NTN4: variants seen among roughly 807,000 people sequenced by gnomAD.
NTN4 encodes netrin 4.
Under a neutral mutation model 73.6 loss-of-function variants are expected in NTN4, and 32 were observed. The observed-to-expected ratio is 0.44, with a 90% CI of 0.33 to 0.58. NTN4 has a LOEUF of 0.58. Among genes scored for constraint, NTN4 ranks in the 20% least tolerant of loss-of-function variants. The pLI is 0.04. For missense variants in NTN4, 654 were observed against 798.3 expected, an observed-to-expected ratio of 0.82 and a Z score of 2.18; for synonymous variants, 258 against 287.5, an observed-to-expected ratio of 0.90 and a Z score of 1.04.
intron 7 of NTN4, 24 bp downstream of exon 7, chr12:95,682,680 TATG>T (rs2078327477): frequency 6.7e-7 from 1 of 1,501,488 alleles, no homozygotes; most frequent in South Asian, 1.1e-5. Context: ...GACCTGAAAA[TATG>T]ATGCCTGGTT....
intron 3 of NTN4, among the ~76,000 whole-genome samples, chr12:95,736,305 G>GT: frequency 6.6e-6 from 1 of 152,190 alleles, no homozygotes; most frequent in Admixed American, 6.5e-5. Flanking sequence ...AGCCATGCAG[G>GT]TAGTCTCATA....
intron 3 of NTN4, among the ~76,000 whole-genome samples, chr12:95,725,009 T>A (rs1444129007): frequency 7.5e-6 from 1 of 133,132 alleles, no homozygotes; most frequent in East Asian, 2.0e-4. Context: ...CATCAGGATT[T>A]TTTTTTTTTT....
chr12:95,783,789 G>C (rs1250085876), intron 2 of NTN4, among the ~76,000 whole-genome samples: 1 of 152,244 alleles, frequency 6.6e-6, no homozygotes, highest in Non-Finnish European at 1.5e-5. Context: ...GAGCTGGGCA[G>C]TTTAGGAAGT....
At chr12:95,764,716 T>C (rs991174791) in intron 2 of NTN4, among the ~76,000 whole-genome samples, 2 of 130,640 alleles carry the variant, frequency 1.5e-5, no homozygotes, top group African/African-American at 5.8e-5. Flanking sequence ...CCAGAAATAA[T>C]ACATCACTGA....
At chr12:95,775,911 C>A (rs544519731) in intron 2 of NTN4, among the ~76,000 whole-genome samples, 5 of 152,238 alleles carry the variant, frequency 3.3e-5, no homozygotes, top group African/African-American at 9.6e-5. Context: ...AGGCACCCCC[C>A]AGTAGGGGCA....
intron 7 of NTN4, chr12:95,672,633 C>T (rs1479583614): frequency 1.3e-6 from 2 of 1,520,866 alleles, no homozygotes; most frequent in Non-Finnish European, 1.8e-6. Context: ...CATGGTGAGG[C>T]CCAGGTGAAG....
chr12:95,789,922 A>G lies in NTN4; in HGVS notation c.55+333T>C. On this transcript the variant is annotated intron_variant, in intron 1 of 9. Coordinates refer to ENST00000343702, the MANE Select transcript of NTN4 (RefSeq NM_021229.4). This position sits in a 1 kb window ranked among gnomAD's most constrained non-coding sequence, Gnocchi z 4.0. ...TCCTTAGGCCATGAAGTGCCGGGGG[A>G]TGGCGAGCTGGGTCCTTTGTTCCCT... 7.7e-6 allele frequency: 2 copies of G among 259,724 alleles called. No individual in the cohort carries two copies. Among genetic ancestry groups the G allele is most frequent in the Non-Finnish European group, 1.5e-5 (2 of 137,022 alleles). The allele number at this position is 259,724 out of a possible 1,614,324, so 16.1% of individuals were successfully genotyped here.
intron 3 of NTN4, among the ~76,000 whole-genome samples, chr12:95,729,632 A>AGAGTGTGTGTGT (rs1555218229): frequency 3.0e-4 from 37 of 124,166 alleles, no homozygotes; most frequent in African/African-American, 1.1e-3. Flanking sequence ...AGAGAGAGAG[A>AGAGTGTGTGTGT]GTGTGTGTGT....
Position 95,765,595 on chromosome 12 carries a change from T to C in NTN4, c.585+21344A>G, listed in dbSNP as rs11836409. On this transcript the variant is annotated intron_variant, in intron 2 of 9. Coordinates refer to ENST00000343702, the MANE Select transcript of NTN4 (RefSeq NM_021229.4). ...AGTTGTCTGGGCTTTAGAAGGCATT[T>C]TGTGTCCATTTTGTTTACCACCATA... Among the ~76,000 whole-genome samples, 741 of 152,282 alleles carry C rather than the reference T, an allele frequency of 4.9e-3. 5 individuals are homozygous for C. The highest frequency in any genetic ancestry group is 0.017 in the African/African-American group (701 of 41,560).
intron 5 of NTN4, among the ~76,000 whole-genome samples, chr12:95,702,844 T>TG (rs1221238819): frequency 7.1e-6 from 1 of 141,686 alleles, no homozygotes; most frequent in African/African-American, 2.5e-5. Flanking sequence ...TTTCAATGGT[T>TG]TTTTTTTTTT....
intron 3 of NTN4, among the ~76,000 whole-genome samples, chr12:95,736,164 C>G (rs1592694368): frequency 6.6e-6 from 1 of 152,154 alleles, no homozygotes; most frequent in Non-Finnish European, 1.5e-5. Context: ...GTCTGGAACT[C>G]CTGACCTCAG....
At chr12:95,739,799 C>T (rs983506518) in intron 2 of NTN4, 1 of 152,274 alleles carries the variant, frequency 6.6e-6, no homozygotes, top group Non-Finnish European at 1.5e-5. Context: ...TCCTGAGCCT[C>T]GGTGGCAACT....
At chr12:95,706,280 G>A (rs992655100) in intron 5 of NTN4, among the ~76,000 whole-genome samples, 1 of 78,774 alleles carries the variant, frequency 1.3e-5, no homozygotes, top group African/African-American at 5.0e-5. Flanking sequence ...CTTGAACATA[G>A]AACAGTAACA....
chr12:95,764,540 C>T (rs1271157556), intron 2 of NTN4, among the ~76,000 whole-genome samples: 2 of 152,086 alleles, frequency 1.3e-5, no homozygotes, highest in African/African-American at 4.8e-5. Context: ...CGTCAGGCAC[C>T]TGTAATCCCA....
intron 2 of NTN4, among the ~76,000 whole-genome samples, chr12:95,761,893 C>G (rs1369970446): frequency 1.3e-5 from 2 of 152,034 alleles, no homozygotes; most frequent in Non-Finnish European, 2.9e-5. Context: ...GTGAACTTAT[C>G]CATGGTGGCA....
intron 2 of NTN4, among the ~76,000 whole-genome samples, chr12:95,756,516 C>T (rs1358299161): frequency 2.0e-5 from 3 of 152,102 alleles, no homozygotes; most frequent in Admixed American, 6.5e-5. Context: ...GAGTACAGCT[C>T]GGTGACTAGG....
At chr12:95,759,491 GTTTTTTTT>G (rs61286357) in intron 2 of NTN4, among the ~76,000 whole-genome samples, 1 of 136,388 alleles carries the variant, frequency 7.3e-6, no homozygotes, top group Non-Finnish European at 1.6e-5. Flanking sequence ...TAGTATTTTT[GTTTTTTTT>G]TTTTTTTGAG....
At chr12:95,722,127 G>A (rs1003370460) in intron 3 of NTN4, among the ~76,000 whole-genome samples, 6 of 97,536 alleles carry the variant, frequency 6.2e-5, no homozygotes, top group African/African-American at 2.0e-4. Context: ...GTCAAGTTTT[G>A]TGGTTTATCT....
chr12:95,772,659 G>A lies in NTN4; in HGVS notation c.585+14280C>T, dbSNP rs77672618. Among the ~76,000 whole-genome samples, 576 of 152,270 alleles carry A rather than the reference G, an allele frequency of 3.8e-3. 29 individuals are homozygous for A. In the East Asian group the frequency reaches 0.093, roughly 25 times the overall value. On this transcript the variant is annotated intron_variant, in intron 2 of 9. Coordinates refer to ENST00000343702, the MANE Select transcript of NTN4 (RefSeq NM_021229.4). The stretch of plus-strand genomic sequence containing the variant: ...CACATCTTCTCTATCTCAGTAAATG[G>A]TCGTTGCATTCTTCCAGGTGCTCAA...
Sources: gnomAD v4.1 joint callset for allele counts (sites outside exome capture counted in the v4.1 genomes callset) on GRCh38, gnomAD v4.1.1 for gene constraint, Gnocchi (gnomAD v3.1) non-coding constraint, MANE v1.5 for transcripts, NCBI Gene and HGNC (gene_info 2026-07-23, HGNC 2026-07-21) for gene names.